The following MAN2B2 variants were observed in gnomAD, a reference collection of about 807,000 sequenced individuals.
MAN2B2 encodes the protein mannosidase alpha class 2B member 2, also known as epididymis-specific alpha-mannosidase.
MAN2B2 carries 106 observed loss-of-function variants against 117.1 expected under a neutral mutation model. The observed-to-expected ratio is 0.90, with a 90% CI of 0.77 to 1.06. The LOEUF (loss-of-function observed/expected upper bound fraction) is 1.06. Ranked by LOEUF, MAN2B2 falls within the 50% of genes least tolerant of loss-of-function variation. The pLI is 0.00. For missense variants in MAN2B2, 1,326 were observed against 1,381.4 expected, an observed-to-expected ratio of 0.96 and a Z score of 0.64; for synonymous variants, 544 against 595.1, an observed-to-expected ratio of 0.91 and a Z score of 1.25.
Position 6,621,180 on chromosome 4 carries a change from T to A in MAN2B2, c.2933-8T>A. ...GCCACACTGGACAGATCACCTCTGTTCCCCTAGGTGACACCACCTCTCCCT... is the reference window on the plus strand; with the variant it reads ...GCCACACTGGACAGATCACCTCTGTACCCCTAGGTGACACCACCTCTCCCT... On this transcript the variant is annotated splice_polypyrimidine_tract_variant and splice_region_variant and intron_variant, in intron 18 of 18. Transcript: ENST00000285599. The A allele has an allele frequency of 6.2e-7, 1 of 1,603,564 alleles. No individual in the cohort carries two copies. Among genetic ancestry groups the A allele is most frequent in the African/African-American group, 1.3e-5 (1 of 74,812 alleles).
chr4:6,609,931 G>A lies in MAN2B2; in HGVS notation c.2140G>A (p.Glu714Lys). 2 of 1,614,164 alleles carry A rather than the reference G, an allele frequency of 1.2e-6. No homozygotes were observed. The highest frequency in any genetic ancestry group is 1.7e-6 in the Non-Finnish European group (2 of 1,180,042). Reference protein sequence around the residue: ...YQAGPLELNREAVLRTSTNLN... With the variant: ...YQAGPLELNRKAVLRTSTNLN... ...AGCCGGCCCCCTGGAGCTGAACCGTGAGGCTGTCCTGAGGACCAGCACCAA... is the reference window on the plus strand; with the variant it reads ...AGCCGGCCCCCTGGAGCTGAACCGTAAGGCTGTCCTGAGGACCAGCACCAA... The change falls in exon 13 of 19, where the codon GAG becomes AAG. Residue 714 changes from glutamate (E) to lysine (K), a missense_variant. Transcript: ENST00000285599.
Position 6,605,081 on chromosome 4 carries a change from T to G in MAN2B2, c.1566T>G (p.Ser522=). The stretch of plus-strand genomic sequence containing the variant: ...TCCAGAACTCAACAGAGACCCCATC[T>G]GCGTATGACCTGCTTATTCTGACCA... ...SQIQNSTETP[S]AYDLLILTTI... is the part of the protein sequence containing the mutation. The change falls in exon 11 of 19, where the codon TCT becomes TCG. Residue 522 remains serine (S), a synonymous_variant. Transcript: ENST00000285599. 1 of 1,613,764 alleles carries G rather than the reference T, an allele frequency of 6.2e-7. No individual in the cohort carries two copies. The highest frequency in any genetic ancestry group is 8.5e-7 in the Non-Finnish European group (1 of 1,179,722).
chr4:6,600,373 G>A (rs1727278453), intron 9 of MAN2B2, among the ~76,000 whole-genome samples: 1 of 152,206 alleles, frequency 6.6e-6, no homozygotes, highest in Non-Finnish European at 1.5e-5. Context: ...CAGTTCTCCA[G>A]GGCGACACGG....
At chr4:6,598,162 G>C (rs770860578) in intron 8 of MAN2B2, 36 bp from the exon 9 acceptor site, 3 of 1,604,818 alleles carry the variant, frequency 1.9e-6, no homozygotes, top group Admixed American at 3.3e-5. Flanking sequence ...GTCAGGTCCT[G>C]ATCCTGTTCT....
At chr4:6,601,011 C>A (rs986372322) in intron 10 of MAN2B2, among the ~76,000 whole-genome samples, 9 of 152,128 alleles carry the variant, frequency 5.9e-5, no homozygotes, top group Admixed American at 4.6e-4. Flanking sequence ...ACAGACCCCA[C>A]GAGTTAGGGG....
intron 13 of MAN2B2, 93 bp downstream of exon 13, chr4:6,610,143 C>T (rs1727714184): frequency 2.7e-6 from 4 of 1,509,400 alleles, no homozygotes; most frequent in Non-Finnish European, 3.6e-6. Context: ...CCAGTAGAGG[C>T]CTCCAGTGAG....
At chr4:6,596,921 A>T (rs1727113522) in intron 7 of MAN2B2, among the ~76,000 whole-genome samples, 192 bp from the exon 8 acceptor site, 1 of 151,940 alleles carries the variant, frequency 6.6e-6, no homozygotes, top group South Asian at 2.1e-4. Flanking sequence ...GGCAGTTCCT[A>T]GTCTGGCTAT....
In MAN2B2 at chr4:6,587,127, C is replaced by T. The variant is rs774769951; in HGVS notation, c.523C>T (p.Arg175Trp). The T allele has an allele frequency of 1.5e-5, 25 of 1,613,678 alleles. No individual in the cohort carries two copies. The highest frequency in any genetic ancestry group is 6.7e-5 in the East Asian group (3 of 44,888). The part of the protein sequence containing the change: ...LAGFNAHLGS[R>W]IDYDLKAAMQ... The stretch of plus-strand genomic sequence containing the variant: ...GGGCTTCAATGCCCACCTCGGCTCC[C>T]GGATCGACTACGACCTGAAGGCAGC... Residue 175 changes from arginine (R) to tryptophan (W), a missense_variant, in exon 4 of 19, where the codon CGG (arginine) becomes TGG (tryptophan). Coordinates refer to ENST00000285599, the MANE Select transcript of MAN2B2 (RefSeq NM_015274.3).
intron 3 of MAN2B2, 63 bp downstream of exon 3, chr4:6,578,561 A>G: frequency 7.3e-7 from 1 of 1,370,896 alleles, no homozygotes; most frequent in Non-Finnish European, 1.0e-6. Context: ...GGGACATGGT[A>G]TCAGAACCCC....
chr4:6,616,080 A>C (rs996674956), intron 16 of MAN2B2, among the ~76,000 whole-genome samples: 1 of 152,158 alleles, frequency 6.6e-6, no homozygotes, highest in Non-Finnish European at 1.5e-5. Flanking sequence ...CTGCGATTAC[A>C]GGTGTGAGCC....
At chr4:6,599,185 A>G (rs1727225025) in intron 9 of MAN2B2, among the ~76,000 whole-genome samples, 1 of 151,586 alleles carries the variant, frequency 6.6e-6, no homozygotes, top group South Asian at 2.1e-4. Flanking sequence ...GCTGCCTTAG[A>G]CTCCTGGGCT....
intron 9 of MAN2B2, 143 bp from the exon 10 acceptor site, chr4:6,600,480 G>C (rs1727283723): frequency 1.1e-6 from 1 of 931,630 alleles, no homozygotes; most frequent in Non-Finnish European, 1.7e-6. Flanking sequence ...CTGTTGGCCT[G>C]CCCCCTTCCT....
At chr4:6,600,386 A>T (rs556364392) in intron 9 of MAN2B2, among the ~76,000 whole-genome samples, 1 of 152,244 alleles carries the variant, frequency 6.6e-6, no homozygotes, top group East Asian at 1.9e-4. Flanking sequence ...CGACACGGAC[A>T]CCTTATGTTC....
intron 2 of MAN2B2, 59 bp from the exon 3 acceptor site, chr4:6,578,334 G>T: frequency 7.5e-7 from 1 of 1,325,470 alleles, no homozygotes. Flanking sequence ...GTTCCCCACA[G>T]ACCCAGCCAT....
At chr4:6,586,848 C>A (rs762716518) in intron 3 of MAN2B2, 148 bp from the exon 4 acceptor site, 3 of 629,022 alleles carry the variant, frequency 4.8e-6, no homozygotes, top group Non-Finnish European at 5.6e-6. Context: ...TAATTAACAC[C>A]CTCACCTCTG....
At chr4:6,585,769 G>A (rs915754548) in intron 3 of MAN2B2, among the ~76,000 whole-genome samples, 1 of 152,164 alleles carries the variant, frequency 6.6e-6, no homozygotes, top group Admixed American at 6.5e-5. Flanking sequence ...GGGCTGGAGG[G>A]TCTACTCCAG....
chr4:6,599,237 A>G (rs1326291645), intron 9 of MAN2B2, among the ~76,000 whole-genome samples: 1 of 152,120 alleles, frequency 6.6e-6, no homozygotes, highest in African/African-American at 2.4e-5. Flanking sequence ...AGCTGGGACT[A>G]CAGGCATGCA....
chr4:6,617,506 C>T lies in MAN2B2; in HGVS notation c.2814+14C>T, dbSNP rs1711944308. On this transcript the variant is annotated intron_variant, in intron 17 of 18. Coordinates refer to ENST00000285599, the MANE Select transcript of MAN2B2 (RefSeq NM_015274.3). ...GTGAATCTGGAGGTGAACTTCCCCA[C>T]CCCCATCCAGACCATAAGCCAGGGA... The T allele has an allele frequency of 1.9e-6, 3 of 1,613,422 alleles. No homozygotes were observed. The highest frequency in any genetic ancestry group is 1.6e-4 in the Middle Eastern group (1 of 6,062).
intron 4 of MAN2B2, among the ~76,000 whole-genome samples, chr4:6,587,428 G>T (rs1184937470): frequency 6.6e-6 from 1 of 152,180 alleles, no homozygotes. Context: ...ATCTCCATCA[G>T]CTGGGCCTGA....
Sources: allele counts gnomAD v4.1 joint callset (sites outside exome capture counted in the v4.1 genomes callset), GRCh38; gene constraint gnomAD v4.1.1; transcripts MANE v1.5; gene names NCBI Gene and HGNC (gene_info 2026-07-23, HGNC 2026-07-21).